Variants in BLOC1S5 observed in about 807,000 individuals in gnomAD.
BLOC1S5 encodes the protein biogenesis of lysosomal organelles complex 1 subunit 5.
BLOC1S5 carries 27 observed loss-of-function variants against 24.3 expected under a neutral mutation model. That is an observed-to-expected ratio of 1.11 (90% confidence interval 0.82 to 1.53). The LOEUF (loss-of-function observed/expected upper bound fraction) is 1.53. Among genes scored for constraint, BLOC1S5 ranks in the 40% most tolerant of loss-of-function variants. The pLI is 0.00. For synonymous variants in BLOC1S5, 84 were observed against 74.5 expected (o/e 1.13, Z -0.66); for missense variants, 239 against 229.4 (o/e 1.04, Z -0.27).
At chr6:8,063,503 A>AT (rs1324979076) in intron 1 of BLOC1S5, among the ~76,000 whole-genome samples, 1 of 152,162 alleles carries the variant, frequency 6.6e-6, no homozygotes. Flanking sequence ...CAAATTTTTC[A>AT]TTTTTGCAGA....
chr6:8,064,171 C>G (rs1429902926), intron 1 of BLOC1S5, 94 bp downstream of exon 1: 3 of 1,101,354 alleles, frequency 2.7e-6, no homozygotes, highest in Non-Finnish European at 2.5e-6. Flanking sequence ...CGCGCCAGCC[C>G]GGGACCCGGG....
chr6:8,032,807 A>T (rs1474801712), intron 3 of BLOC1S5, among the ~76,000 whole-genome samples: 2 of 152,238 alleles, frequency 1.3e-5, no homozygotes, highest in African/African-American at 2.4e-5. Context: ...ATGTACAAAA[A>T]TCACAAGCAT....
intron 3 of BLOC1S5, among the ~76,000 whole-genome samples, chr6:8,030,248 C>T (rs931026602): frequency 6.6e-6 from 1 of 152,056 alleles, no homozygotes; most frequent in Non-Finnish European, 1.5e-5. Flanking sequence ...CAACCCCTGC[C>T]TCCTGGGTTC....
rs188277615 is a variant in BLOC1S5 at position 8,036,370 on chromosome 6, C to T, written c.325+4769G>A. Among the ~76,000 whole-genome samples the T allele has an allele frequency of 2.9e-4, 44 of 151,978 alleles. No individual in the cohort carries two copies. The East Asian group carries it at 7.5e-3, about 26-fold the overall frequency. On this transcript the variant is annotated intron_variant, in intron 3 of 4. Coordinates refer to ENST00000397457, the MANE Select transcript of BLOC1S5 (RefSeq NM_201280.3). ...AAATAAATAAAATTGAGGCTAAAAACATCAGAGTCATTAAACTATTATCAA... is the reference window on the plus strand; with the variant it reads ...AAATAAATAAAATTGAGGCTAAAAATATCAGAGTCATTAAACTATTATCAA...
At chr6:8,032,185 G>A (rs1763320469) in intron 3 of BLOC1S5, among the ~76,000 whole-genome samples, 3 of 152,164 alleles carry the variant, frequency 2.0e-5, no homozygotes, top group Admixed American at 1.3e-4. Context: ...ACAACACACA[G>A]GGTGGGAGAA....
Position 8,015,355 on chromosome 6 carries a change from T to A in BLOC1S5, c.*294A>T, listed in dbSNP as rs192486165. The A allele has an allele frequency of 3.7e-5, 11 of 300,972 alleles. No homozygotes were observed. Among genetic ancestry groups the A allele is most frequent in the Non-Finnish European group, 5.5e-5 (9 of 163,016 alleles). The allele number at this position is 300,972 out of a possible 1,614,324, so 18.6% of individuals were successfully genotyped here. A position where few individuals can be genotyped will look rare whatever the true frequency, so the allele number is the denominator to read the frequency against. On this transcript the variant is annotated 3_prime_UTR_variant, in exon 5 of 5. Transcript: ENST00000397457. ...AGTCTATACCTACAGTTCTCTGAGC[T>A]AATCAATGGAAAAGATGATCAATTC...
intron 3 of BLOC1S5, among the ~76,000 whole-genome samples, chr6:8,034,926 G>A (rs1256659375): frequency 6.6e-6 from 1 of 151,654 alleles, no homozygotes; most frequent in East Asian, 1.9e-4. Context: ...TAAAGAAAAT[G>A]TGATATATAC....
chr6:8,045,408 A>G (rs1763844353), intron 2 of BLOC1S5, among the ~76,000 whole-genome samples: 1 of 152,188 alleles, frequency 6.6e-6, no homozygotes. Context: ...GCAGTGCAGA[A>G]GGGAAATGTG....
At chr6:8,062,362 T>C (rs1346690406) in intron 2 of BLOC1S5, among the ~76,000 whole-genome samples, 172 bp downstream of exon 2, 1 of 152,222 alleles carries the variant, frequency 6.6e-6, no homozygotes, top group Non-Finnish European at 1.5e-5. Flanking sequence ...CTGTTTAGTA[T>C]GGAACTTATC....
chr6:8,034,599 A>C (rs1381298057), intron 3 of BLOC1S5, among the ~76,000 whole-genome samples: 1 of 152,192 alleles, frequency 6.6e-6, no homozygotes, highest in Non-Finnish European at 1.5e-5. Flanking sequence ...TGTTGTGCAC[A>C]TGTACCCTAG....
At chr6:8,038,365 T>C (rs1206326374) in intron 3 of BLOC1S5, among the ~76,000 whole-genome samples, 2 of 152,040 alleles carry the variant, frequency 1.3e-5, no homozygotes, top group African/African-American at 2.4e-5. Flanking sequence ...AAGAGACATT[T>C]CTCAAAAGAC....
intron 2 of BLOC1S5, among the ~76,000 whole-genome samples, chr6:8,043,953 CT>C (rs952427811): frequency 9.9e-5 from 15 of 152,220 alleles, no homozygotes; most frequent in African/African-American, 3.4e-4. Context: ...TCCACTTTTG[CT>C]TCTTCCTCAT....
chr6:8,017,300 C>T (rs982260134), intron 4 of BLOC1S5, among the ~76,000 whole-genome samples: 1 of 152,050 alleles, frequency 6.6e-6, no homozygotes, highest in African/African-American at 2.4e-5. Context: ...ATTGCTTGAA[C>T]CTGAGAGGCG....
rs1050622920 is a variant in BLOC1S5, at chr6:8,064,356, C to A, written c.21G>T (p.Glu7Asp). 1 of 1,611,278 alleles carries A rather than the reference C, an allele frequency of 6.2e-7. No homozygotes were observed. Among genetic ancestry groups the A allele is most frequent in the African/African-American group, 1.3e-5 (1 of 74,934 alleles). ...GGGCGGCCTCACAACCCACAGGGGT[C>A]TCTGTCCCTCCGCCACTCATCCCGA... The part of the protein sequence containing the change: MSGGGT[E>D]TPVGCEAAPG... Residue 7 changes from glutamate to aspartate, a missense_variant, in exon 1 of 5, where the codon GAG becomes GAT. Coordinates refer to ENST00000397457, the MANE Select transcript of BLOC1S5 (RefSeq NM_201280.3).
intron 2 of BLOC1S5, among the ~76,000 whole-genome samples, chr6:8,051,060 C>T (rs569111633): frequency 1.3e-5 from 2 of 152,068 alleles, no homozygotes; most frequent in East Asian, 2.0e-4. Flanking sequence ...GGGTGGTGCA[C>T]ACCTGTAGTC....
intron 3 of BLOC1S5, among the ~76,000 whole-genome samples, chr6:8,032,280 G>A (rs1428329589): frequency 1.3e-5 from 2 of 151,928 alleles, no homozygotes; most frequent in African/African-American, 2.4e-5. Context: ...GAAAAACAAT[G>A]CCATCAAAAA....
chr6:8,053,391 T>G (rs1489652051), intron 2 of BLOC1S5, among the ~76,000 whole-genome samples: 1 of 152,186 alleles, frequency 6.6e-6, no homozygotes, highest in Non-Finnish European at 1.5e-5. Context: ...CACCCCAACC[T>G]TCTGCAACCA....
At chr6:8,052,826 C>T (rs1764166209) in intron 2 of BLOC1S5, among the ~76,000 whole-genome samples, 1 of 150,500 alleles carries the variant, frequency 6.6e-6, no homozygotes, top group African/African-American at 2.5e-5. Flanking sequence ...GCCCAGGAGG[C>T]GGAGCTTGCA....
At chr6:8,062,673 C>T (rs976493375) in intron 1 of BLOC1S5, 57 bp from the exon 2 acceptor site, 3 of 1,165,108 alleles carry the variant, frequency 2.6e-6, no homozygotes, top group Admixed American at 4.5e-5. Flanking sequence ...TAATCTCTAG[C>T]TTGTTTTACT....
Sources: allele counts gnomAD v4.1 joint callset (sites outside exome capture counted in the v4.1 genomes callset), GRCh38; gene constraint gnomAD v4.1.1; transcripts MANE v1.5; gene names NCBI Gene and HGNC (gene_info 2026-07-23, HGNC 2026-07-21).